The following ABL2 variants were observed in gnomAD, a reference collection of about 807,000 sequenced individuals.
ABL2 encodes the protein ABL proto-oncogene 2, non-receptor tyrosine kinase.
In ABL2, 49 loss-of-function variants were observed where a neutral mutation model predicts 107.7. The observed-to-expected ratio is 0.45, with a 90% CI of 0.36 to 0.58. The LOEUF is 0.58. Among genes scored for constraint, ABL2 ranks in the 20% least tolerant of loss-of-function variants. The pLI is 0.00. For missense variants in ABL2, 1,245 were observed against 1,457.0 expected (o/e 0.85, Z 2.37); for synonymous variants, 549 against 548.6 (o/e 1.00, Z -0.01).
rs558117735 is a variant in ABL2, at chr1:179,142,273, T to TA, written c.158-8900dup. On this transcript the variant is annotated intron_variant, in intron 1 of 11. Coordinates refer to ENST00000502732, the MANE Select transcript of ABL2 (RefSeq NM_007314.4). ...ATAACAGAAATATATTATCACAATT[T>TA]AAAAAAGGCATTTTTTTTCTATTGC... Among the ~76,000 whole-genome samples the TA allele has an allele frequency of 2.6e-3, 399 of 152,286 alleles. 1 individual carries two copies. The highest frequency in any genetic ancestry group is 9.3e-3 in the African/African-American group (388 of 41,558).
At chr1:179,229,092 G>C in intron 1 of ABL2, 149 bp downstream of exon 1, 2 of 1,035,840 alleles carry the variant, frequency 1.9e-6, no homozygotes, top group Non-Finnish European at 2.7e-6. Context: ...TCGCCTCCCA[G>C]GACTGGACCA....
In ABL2 at chr1:179,229,177, A is replaced by AACC; in HGVS notation, c.157+63_157+64insGGT. On this transcript the variant is annotated intron_variant, in intron 1 of 11. Transcript: ENST00000502732. The stretch of plus-strand genomic sequence containing the variant: ...CCCTCGGGCAGCCCGTCCGCCACCC[A>AACC]CCCCGCCCCGACCCCACCCCCGGCC... 6 of 198,882 alleles carry AACC rather than the reference A, an allele frequency of 3.0e-5. 1 individual carries two copies. The highest frequency in any genetic ancestry group is 2.0e-4 in the Admixed American group (1 of 4,894). 12.3% of individuals were successfully genotyped at this position (198,882 alleles called of 1,614,324 possible).
intron 1 of ABL2, among the ~76,000 whole-genome samples, chr1:179,185,916 C>G (rs1003206616): frequency 1.3e-5 from 2 of 152,012 alleles, no homozygotes; most frequent in Non-Finnish European, 2.9e-5. Flanking sequence ...GAAGCCTAGA[C>G]AAGCAAACCA....
chr1:179,129,132 G>A (rs1344044418), intron 3 of ABL2, among the ~76,000 whole-genome samples: 1 of 152,144 alleles, frequency 6.6e-6, no homozygotes, highest in East Asian at 1.9e-4. Flanking sequence ...GTGAGAACCT[G>A]ATATAAAAAT....
chr1:179,117,619 G>A, intron 7 of ABL2, 103 bp from the exon 8 acceptor site: 1 of 1,146,398 alleles, frequency 8.7e-7, no homozygotes, highest in Non-Finnish European at 1.2e-6. Context: ...TTAAGTAAGT[G>A]CTGACAAATA....
At chr1:179,125,312 G>A (rs572655041) in intron 4 of ABL2, among the ~76,000 whole-genome samples, 1 of 152,356 alleles carries the variant, frequency 6.6e-6, no homozygotes, top group East Asian at 1.9e-4. Context: ...CGCTTCTGTT[G>A]TTGAATGAAA....
At chr1:179,120,380 A>G in intron 5 of ABL2, 106 bp from the exon 6 acceptor site, 1 of 594,592 alleles carries the variant, frequency 1.7e-6, no homozygotes, top group Middle Eastern at 3.0e-4. Flanking sequence ...TTAAAAGTAA[A>G]AACTATCTTT....
chr1:179,184,162 G>C, intron 1 of ABL2: 1 of 414,998 alleles, frequency 2.4e-6, no homozygotes, highest in East Asian at 5.8e-5. Context: ...GCACTGCTTA[G>C]GGAGGAGGAC....
intron 7 of ABL2, among the ~76,000 whole-genome samples, chr1:179,118,354 AT>A (rs1032852598): frequency 2.0e-5 from 3 of 151,802 alleles, no homozygotes; most frequent in East Asian, 1.9e-4. Context: ...CACTATTGCA[AT>A]TTTTTTTTAA....
chr1:179,207,634 G>A (rs1662051166), intron 1 of ABL2, among the ~76,000 whole-genome samples: 1 of 152,136 alleles, frequency 6.6e-6, no homozygotes, highest in Non-Finnish European at 1.5e-5. Flanking sequence ...ACTCTATGAG[G>A]TAGGTATTAT....
chr1:179,195,429 G>A lies in ABL2; in HGVS notation c.157+33812C>T, dbSNP rs1019530945. Reference sequence around the variant, plus strand: ...CTAGAACCCTTGTGCATTATTGGTGGGAATATAAAATGGTAAAGCCACTAT... The same window carrying A: ...CTAGAACCCTTGTGCATTATTGGTGAGAATATAAAATGGTAAAGCCACTAT... On this transcript the variant is annotated intron_variant, in intron 1 of 11. Coordinates refer to ENST00000502732, the MANE Select transcript of ABL2 (RefSeq NM_007314.4). 2.0e-5 allele frequency among the ~76,000 whole-genome samples: 3 copies of A among 152,120 alleles called. No homozygotes were observed. In the South Asian group the frequency reaches 6.2e-4, roughly 31 times the overall value.
intron 1 of ABL2, among the ~76,000 whole-genome samples, chr1:179,141,666 T>G (rs1572691564): frequency 6.6e-6 from 1 of 152,328 alleles, no homozygotes; most frequent in East Asian, 1.9e-4. Flanking sequence ...ACGGTCTTTT[T>G]GGTTGAGTCA....
chr1:179,139,532 C>T (rs1657379056), intron 1 of ABL2, among the ~76,000 whole-genome samples: 1 of 152,220 alleles, frequency 6.6e-6, no homozygotes, highest in African/African-American at 2.4e-5. Flanking sequence ...CAGCTCCCTT[C>T]TTGCTCTCAC....
chr1:179,209,646 T>C (rs1324353441), intron 1 of ABL2, among the ~76,000 whole-genome samples: 2 of 152,220 alleles, frequency 1.3e-5, no homozygotes, highest in Non-Finnish European at 2.9e-5. Flanking sequence ...TATTAGAATA[T>C]ATGACTTCTA....
Position 179,110,390 on chromosome 1 carries a change from G to C in ABL2, c.1717C>G (p.Pro573Ala). The change falls in exon 11 of 12, where the codon CCT becomes GCT. Residue 573 changes from proline (P) to alanine (A), a missense_variant. Coordinates refer to ENST00000502732, the MANE Select transcript of ABL2 (RefSeq NM_007314.4). Reference protein sequence around the residue: ...SSVVPYLPRLPILPSKTRTLK... With the variant: ...SSVVPYLPRLAILPSKTRTLK... ...GTCCGAGTCTTGGAAGGAAGTATAG[G>C]TAGCCGGGGCAGGTATGGAACAACA... is the stretch of plus-strand genomic sequence containing the variant. 1.2e-6 allele frequency: 2 copies of C among 1,614,204 alleles called. No individual in the cohort carries two copies. The highest frequency in any genetic ancestry group is 1.7e-6 in the Non-Finnish European group (2 of 1,180,038).
chr1:179,146,144 GA>G (rs903930321), intron 1 of ABL2, among the ~76,000 whole-genome samples: 12 of 151,696 alleles, frequency 7.9e-5, no homozygotes, highest in Admixed American at 7.9e-4. Context: ...ATTATTACAT[GA>G]AAAAAAATGA....
At chr1:179,223,481 G>C (rs72709494) in intron 1 of ABL2, among the ~76,000 whole-genome samples, 3,312 of 150,854 alleles carry the variant, frequency 0.022, 65 homozygotes, top group Middle Eastern at 0.056. Context: ...GACCCTTACA[G>C]AGAAACTTCA....
Position 179,131,308 on chromosome 1 carries a change from C to T in ABL2, c.391+3G>A, listed in dbSNP as rs1204656652. 2 of 1,612,662 alleles carry T rather than the reference C, an allele frequency of 1.2e-6. No homozygotes were observed. Among genetic ancestry groups the T allele is most frequent in the Admixed American group, 3.3e-5 (2 of 59,966 alleles). ...GTGAAAGGATGCTACATAGAAGCCT[C>T]ACCTTTAGTGATGCTGAGTGTGTTA... On this transcript the variant is annotated splice_donor_region_variant and intron_variant, in intron 3 of 11. Coordinates refer to ENST00000502732, the MANE Select transcript of ABL2 (RefSeq NM_007314.4).
At chr1:179,158,521 AC>A (rs533434977) in intron 1 of ABL2, among the ~76,000 whole-genome samples, 1 of 152,168 alleles carries the variant, frequency 6.6e-6, no homozygotes, top group East Asian at 1.9e-4. Flanking sequence ...AGTTTAAGGG[AC>A]CCCCACAACC....
Sources: gnomAD v4.1 joint callset for allele counts (sites outside exome capture counted in the v4.1 genomes callset) on GRCh38, gnomAD v4.1.1 for gene constraint, MANE v1.5 for transcripts, NCBI Gene and HGNC (gene_info 2026-07-23, HGNC 2026-07-21) for gene names.